Variants in TXNDC16 observed in about 807,000 individuals in gnomAD.
TXNDC16 encodes the protein thioredoxin domain-containing protein 16.
A neutral mutation model predicts 85.6 loss-of-function variants in TXNDC16; 74 were observed. The ratio of observed to expected loss-of-function variants is 0.86; its 90% confidence interval spans 0.72 to 1.05. The LOEUF is 1.05. TXNDC16 is among the 50% of genes least tolerant of loss of function. The pLI, the probability that TXNDC16 is intolerant of heterozygous loss-of-function variation, is 0.00. For synonymous variants in TXNDC16, 335 were observed against 326.5 expected, an observed-to-expected ratio of 1.03 and a Z score of -0.28; for missense variants, 959 against 947.0, an observed-to-expected ratio of 1.01 and a Z score of -0.17.
At chr14:52,549,365 A>G (rs1387841158) in intron 1 of TXNDC16, among the ~76,000 whole-genome samples, 1 of 152,252 alleles carries the variant, frequency 6.6e-6, no homozygotes, top group African/African-American at 2.4e-5. Context: ...CCGTGAGACA[A>G]TAGTAGAAAA....
At chr14:52,527,951 A>G (rs1049735809) in intron 6 of TXNDC16, among the ~76,000 whole-genome samples, 1 of 152,160 alleles carries the variant, frequency 6.6e-6, no homozygotes, top group Non-Finnish European at 1.5e-5. Context: ...ACAAGTCACT[A>G]TATTTTAAAT....
intron 9 of TXNDC16, among the ~76,000 whole-genome samples, chr14:52,510,937 C>A (rs2140182005): frequency 6.6e-6 from 1 of 152,246 alleles, no homozygotes; most frequent in Non-Finnish European, 1.5e-5. Context: ...ACCCAGAGTT[C>A]ATTATTACTA....
At chr14:52,529,000 A>C (rs928433416) in intron 6 of TXNDC16, among the ~76,000 whole-genome samples, 1 of 147,762 alleles carries the variant, frequency 6.8e-6, no homozygotes, top group Non-Finnish European at 1.5e-5. Context: ...AAAACCTATT[A>C]TATATTTTAT....
intron 18 of TXNDC16, among the ~76,000 whole-genome samples, chr14:52,444,458 C>A (rs942600639): frequency 2.0e-5 from 3 of 152,000 alleles, no homozygotes; most frequent in Non-Finnish European, 4.4e-5. Flanking sequence ...AAATCTTCAC[C>A]CTCTGGTCAT....
At chr14:52,439,178 T>G in intron 20 of TXNDC16, 26 bp downstream of exon 20, 1 of 1,599,464 alleles carries the variant, frequency 6.3e-7, no homozygotes, top group Non-Finnish European at 8.6e-7. Flanking sequence ...CAGAACTACA[T>G]GTATTAAACA....
intron 6 of TXNDC16, among the ~76,000 whole-genome samples, chr14:52,529,000 A>G (rs928433416): frequency 6.8e-6 from 1 of 147,762 alleles, no homozygotes; most frequent in African/African-American, 2.5e-5. Flanking sequence ...AAAACCTATT[A>G]TATATTTTAT....
At chr14:52,547,675 T>G (rs1404885639) in intron 1 of TXNDC16, among the ~76,000 whole-genome samples, 1 of 152,134 alleles carries the variant, frequency 6.6e-6, no homozygotes, top group African/African-American at 2.4e-5. Context: ...CAGGAATACT[T>G]ACAGTTATCT....
intron 16 of TXNDC16, among the ~76,000 whole-genome samples, chr14:52,463,408 TA>T (rs747904612): frequency 9.9e-5 from 15 of 152,280 alleles, no homozygotes; most frequent in Middle Eastern, 6.8e-3. Context: ...CACCATCTGT[TA>T]AAAGAAAAAC....
intron 9 of TXNDC16, among the ~76,000 whole-genome samples, chr14:52,501,008 T>C (rs992287205): frequency 6.6e-6 from 1 of 152,198 alleles, no homozygotes; most frequent in Admixed American, 6.5e-5. Flanking sequence ...TCCTTGGTAT[T>C]TGCCAACAGG....
chr14:52,495,956 G>A (rs746276136), intron 9 of TXNDC16, among the ~76,000 whole-genome samples: 17 of 151,890 alleles, frequency 1.1e-4, no homozygotes, highest in Admixed American at 2.6e-4. Flanking sequence ...TCAGGAGATC[G>A]AGACCATCCT....
chr14:52,515,036 C>G, intron 7 of TXNDC16, 66 bp from the exon 8 acceptor site: 1 of 1,191,742 alleles, frequency 8.4e-7, no homozygotes, highest in South Asian at 1.4e-5. Context: ...ATGTAAACTT[C>G]TATTCTGAAT....
chr14:52,530,256 T>TAA (rs1336709242), intron 6 of TXNDC16, among the ~76,000 whole-genome samples: 2 of 40,600 alleles, frequency 4.9e-5, no homozygotes, highest in East Asian at 1.4e-3. Context: ...TAATATATAT[T>TAA]ATATAATATA....
chr14:52,487,670 G>T (rs570889704), intron 12 of TXNDC16, among the ~76,000 whole-genome samples: 38 of 152,190 alleles, frequency 2.5e-4, no homozygotes, highest in African/African-American at 8.2e-4. Context: ...CTAATAATAA[G>T]ATTTTATTTC....
At position 52,465,307 on chromosome 14, in the gene TXNDC16, C is replaced by T. The variant is rs564292618; in HGVS notation, c.1618+4730G>A. On this transcript the variant is annotated intron_variant, in intron 16 of 20. Coordinates refer to ENST00000281741, the MANE Select transcript of TXNDC16 (RefSeq NM_020784.3). ...GTAAGAGTTAGTATAATGAAGTAAACATTGGCCAGGCGCAGTGGCTCACGC... is the reference window on the plus strand; with the variant it reads ...GTAAGAGTTAGTATAATGAAGTAAATATTGGCCAGGCGCAGTGGCTCACGC... 6.6e-5 allele frequency among the ~76,000 whole-genome samples: 10 copies of T among 152,058 alleles called. No individual in the cohort carries two copies. In the South Asian group the frequency reaches 1.9e-3, roughly 28 times the overall value.
chr14:52,452,546 C>T (rs888805406), intron 18 of TXNDC16, among the ~76,000 whole-genome samples: 3 of 152,060 alleles, frequency 2.0e-5, no homozygotes, highest in Non-Finnish European at 2.9e-5. Flanking sequence ...ACAGTGAATT[C>T]GTTTTCGACA....
rs185715139 is a variant in TXNDC16, at chr14:52,502,209, T to C, written c.756+9031A>G. ...CTATTTCAGTGTCTACCGGGGCTTC[T>C]GGAGCCTCTGCCTGAATCCTATATC... On this transcript the variant is annotated intron_variant, in intron 9 of 20. Transcript: ENST00000281741. Among the ~76,000 whole-genome samples the C allele has an allele frequency of 4.6e-5, 7 of 152,358 alleles. No individual in the cohort carries two copies. The East Asian group carries it at 9.6e-4, about 21-fold the overall frequency.
chr14:52,485,306 A>G (rs2036243556), intron 12 of TXNDC16, among the ~76,000 whole-genome samples: 1 of 152,204 alleles, frequency 6.6e-6, no homozygotes, highest in African/African-American at 2.4e-5. Flanking sequence ...AAAAGAAAAT[A>G]TTTTTGTACA....
chr14:52,455,908 C>A (rs982732180), intron 17 of TXNDC16, among the ~76,000 whole-genome samples: 3 of 151,982 alleles, frequency 2.0e-5, no homozygotes, highest in Non-Finnish European at 4.4e-5. Flanking sequence ...CCATTATGAC[C>A]TCATTTTGCA....
intron 1 of TXNDC16, among the ~76,000 whole-genome samples, chr14:52,545,461 C>CT (rs775225025): frequency 2.0e-5 from 3 of 152,086 alleles, no homozygotes; most frequent in Non-Finnish European, 4.4e-5. Flanking sequence ...TTAAAAATTA[C>CT]TTAAAGCAAA....
Sources: gnomAD v4.1 joint callset for allele counts (sites outside exome capture counted in the v4.1 genomes callset) on GRCh38, gnomAD v4.1.1 for gene constraint, MANE v1.5 for transcripts, NCBI Gene and HGNC (gene_info 2026-07-23, HGNC 2026-07-21) for gene names.